Variants in RBM47 observed in about 807,000 individuals in gnomAD.
The protein encoded by RBM47 is RNA-binding protein 47.
A neutral mutation model predicts 47.1 loss-of-function variants in RBM47; 21 were observed. The observed-to-expected ratio is 0.45, with a 90% CI of 0.32 to 0.64. The LOEUF is 0.64. Ranked by LOEUF, RBM47 falls within the 30% of genes least tolerant of loss-of-function variation. The pLI is 0.05. For synonymous variants in RBM47, 375 were observed against 361.7 expected (o/e 1.04, Z -0.42); for missense variants, 708 against 870.9 (o/e 0.81, Z 2.35).
At chr4:40,445,146 C>T (rs1009681494) in intron 3 of RBM47, among the ~76,000 whole-genome samples, 15 of 147,410 alleles carry the variant, frequency 1.0e-4, no homozygotes, top group African/African-American at 2.7e-4. Context: ...TGCTGGTGGA[C>T]GCCTGTAGTC....
intron 1 of RBM47, among the ~76,000 whole-genome samples, chr4:40,575,731 G>T (rs944168625): frequency 3.3e-5 from 5 of 152,138 alleles, no homozygotes; most frequent in African/African-American, 1.2e-4. Context: ...GGACTGTCCT[G>T]GTTTTAGCAC....
At chr4:40,475,808 T>TA (rs1719522697) in intron 2 of RBM47, 1 of 152,220 alleles carries the variant, frequency 6.6e-6, no homozygotes. Flanking sequence ...ACAGGGCTCC[T>TA]CATTGGTCAA....
chr4:40,434,001 GGGT>G (rs869102772), intron 5 of RBM47, among the ~76,000 whole-genome samples: 1 of 62,118 alleles, frequency 1.6e-5, no homozygotes, highest in East Asian at 5.7e-4. Context: ...TGTGGGGCGG[GGGT>G]GTGTGTGTGT....
chr4:40,556,884 T>C (rs1489418438), intron 1 of RBM47, among the ~76,000 whole-genome samples: 3 of 150,696 alleles, frequency 2.0e-5, no homozygotes, highest in Non-Finnish European at 4.4e-5. Context: ...AGAGAAACCT[T>C]GTCTCAAAAA....
Position 40,512,265 on chromosome 4 carries a change from AC to A in RBM47, c.-155+32156del, listed in dbSNP as rs200608653. Among the ~76,000 whole-genome samples the A allele has an allele frequency of 6.9e-3, 1,048 of 151,258 alleles. 13 individuals carry two copies. The highest frequency in any genetic ancestry group is 0.025 in the African/African-American group (1,016 of 41,226). On this transcript the variant is annotated intron_variant, in intron 2 of 6. Transcript: ENST00000295971. ...ATGAAACCCCTTCTCTACTAAAAATACAAAAAATTAGCCGGGCATGATGGTG... is the reference window on the plus strand; with the variant it reads ...ATGAAACCCCTTCTCTACTAAAAATAAAAAAATTAGCCGGGCATGATGGTG...
chr4:40,598,176 C>G (rs1301214570), intron 1 of RBM47, among the ~76,000 whole-genome samples: 1 of 152,106 alleles, frequency 6.6e-6, no homozygotes, highest in Non-Finnish European at 1.5e-5. Flanking sequence ...TGAATTTTGC[C>G]GCAATGTCTA....
chr4:40,470,740 T>C (rs968016007), intron 2 of RBM47, among the ~76,000 whole-genome samples: 10 of 152,054 alleles, frequency 6.6e-5, no homozygotes, highest in Non-Finnish European at 1.3e-4. Context: ...AACAGATCCT[T>C]TCTTTTCTTT....
intron 3 of RBM47, among the ~76,000 whole-genome samples, chr4:40,459,899 C>G (rs80314931): frequency 6.6e-6 from 1 of 152,186 alleles, no homozygotes; most frequent in Admixed American, 6.5e-5. Flanking sequence ...GGATTATAGG[C>G]ATGTGCCACC....
intron 2 of RBM47, among the ~76,000 whole-genome samples, chr4:40,498,246 T>A (rs908145825): frequency 2.0e-5 from 3 of 151,740 alleles, no homozygotes; most frequent in African/African-American, 7.3e-5. Context: ...AAGGTGAGCC[T>A]TCCAGTAATG....
intron 2 of RBM47, among the ~76,000 whole-genome samples, chr4:40,540,648 AAAAAAT>A (rs200773041): frequency 0.088 from 11,334 of 128,716 alleles, 507 homozygotes; most frequent in Admixed American, 0.13. Flanking sequence ...CAAAAAAAAA[AAAAAAT>A]AATAATAATA....
At chr4:40,463,622 G>A (rs1289594585) in intron 3 of RBM47, among the ~76,000 whole-genome samples, 1 of 152,072 alleles carries the variant, frequency 6.6e-6, no homozygotes, top group Non-Finnish European at 1.5e-5. Context: ...GATTGAGGTT[G>A]GTAAGTAATA....
intron 2 of RBM47, among the ~76,000 whole-genome samples, chr4:40,482,469 G>A (rs182443854): frequency 5.0e-4 from 76 of 152,140 alleles, no homozygotes; most frequent in African/African-American, 1.7e-3. Flanking sequence ...GGCCAGGCTC[G>A]TCTTGAACTC....
intron 1 of RBM47, among the ~76,000 whole-genome samples, chr4:40,581,511 G>T (rs6824556): frequency 0.017 from 2,623 of 151,930 alleles, 84 homozygotes; most frequent in African/African-American, 0.06. Context: ...GGGGGACTCT[G>T]GGGAAGATGA....
At chr4:40,468,128 A>G (rs1718322481) in intron 2 of RBM47, among the ~76,000 whole-genome samples, 1 of 152,170 alleles carries the variant, frequency 6.6e-6, no homozygotes, top group African/African-American at 2.4e-5. Context: ...ACCGCTAAAA[A>G]TACAAAAAAT....
At position 40,536,137 on chromosome 4, in the gene RBM47, C is replaced by T. The variant is rs369094582; in HGVS notation, c.-155+8285G>A. The stretch of plus-strand genomic sequence containing the variant: ...TTTGTCATTCTTTATGAAAGCAATG[C>T]GGCTGTTCTACTGCTACTTCTTGGC... On this transcript the variant is annotated intron_variant, in intron 2 of 6. Coordinates refer to ENST00000295971, the MANE Select transcript of RBM47 (RefSeq NM_001098634.2). 7.9e-5 allele frequency among the ~76,000 whole-genome samples: 12 copies of T among 152,196 alleles called. No homozygotes were observed. In the East Asian group the frequency reaches 9.6e-4, roughly 12 times the overall value.
chr4:40,423,342 ATCTAAATAAAAGC>A lies in RBM47; in HGVS notation c.*2549_*2561del, dbSNP rs1214392480. On this transcript the variant is annotated 3_prime_UTR_variant, in exon 7 of 7. Transcript: ENST00000295971. ...AAGAATGTACTGTAAATGGAGCAAG[ATCTAAATAAAAGC>A]TTTTCAAATATAAAGCAGCTAAAGT... The A allele has an allele frequency of 6.6e-5, 10 of 152,218 alleles. No individual in the cohort carries two copies. Among genetic ancestry groups the A allele is most frequent in the African/African-American group, 2.4e-4 (10 of 41,456 alleles). The allele number at this position is 152,218 out of a possible 1,614,324, so 9.4% of individuals were successfully genotyped here. A position where few individuals can be genotyped will look rare whatever the true frequency, so the allele number is the denominator to read the frequency against.
intron 2 of RBM47, chr4:40,543,471 A>G (rs1728735804): frequency 6.6e-6 from 1 of 151,068 alleles, no homozygotes; most frequent in Admixed American, 6.6e-5. Flanking sequence ...GAAGTCACCA[A>G]AAAAAAAAGT....
chr4:40,507,049 C>T (rs891129254), intron 2 of RBM47, among the ~76,000 whole-genome samples: 5 of 152,138 alleles, frequency 3.3e-5, no homozygotes, highest in African/African-American at 1.2e-4. Flanking sequence ...CTCCAGCTCC[C>T]GGGTTCAAGC....
At chr4:40,601,167 C>G (rs1735254471) in intron 1 of RBM47, among the ~76,000 whole-genome samples, 1 of 152,090 alleles carries the variant, frequency 6.6e-6, no homozygotes, top group African/African-American at 2.4e-5. Context: ...TCAGGAAGAC[C>G]TGAATCTGGA....
Sources: gnomAD v4.1 joint callset for allele counts (sites outside exome capture counted in the v4.1 genomes callset) on GRCh38, gnomAD v4.1.1 for gene constraint, MANE v1.5 for transcripts, NCBI Gene and HGNC (gene_info 2026-07-23, HGNC 2026-07-21) for gene names.